MATCAP2: variants seen among roughly 807,000 people sequenced by gnomAD.
MATCAP2 encodes the protein putative tyrosine carboxypeptidase MATCAP2.
chr7:36,340,266 G>A, the MATCAP2 span, among the ~76,000 whole-genome samples: 2 of 152,138 alleles, frequency 1.3e-5, no homozygotes, highest in Admixed American at 1.3e-4. Context: ...TGGTTATCTG[G>A]TTATTTCTTG....
the MATCAP2 span, among the ~76,000 whole-genome samples, chr7:36,357,890 T>A: frequency 4.6e-5 from 7 of 152,268 alleles, no homozygotes; most frequent in Admixed American, 2.6e-4. Flanking sequence ...ATCTGAATAC[T>A]TGATTCTACA....
the MATCAP2 span, among the ~76,000 whole-genome samples, chr7:36,343,023 C>G: frequency 7.9e-5 from 12 of 152,082 alleles, no homozygotes; most frequent in Non-Finnish European, 1.8e-4. Context: ...AAATGAAGAA[C>G]ATACCTCTGA....
the MATCAP2 span, chr7:36,357,564 G>T: frequency 6.2e-7 from 1 of 1,612,708 alleles, no homozygotes. Flanking sequence ...TTCTTAGCAA[G>T]TTCTTGCTCA....
the MATCAP2 span, among the ~76,000 whole-genome samples, chr7:36,349,961 A>G: frequency 6.6e-6 from 1 of 152,212 alleles, no homozygotes; most frequent in Admixed American, 6.5e-5. Flanking sequence ...CTACTATGGA[A>G]CATACTAAAC....
chr7:36,357,740 A>G, the MATCAP2 span: 2 of 633,954 alleles, frequency 3.2e-6, no homozygotes, highest in African/African-American at 3.7e-5. Context: ...TTAAAAGGAT[A>G]TATTACTAAA....
chr7:36,334,947 A>C, the MATCAP2 span: 25 of 1,159,078 alleles, frequency 2.2e-5, no homozygotes, highest in Admixed American at 2.5e-5. Flanking sequence ...CTAAGAAAAT[A>C]AAATAAATAC....
chr7:36,354,859 C>G, the MATCAP2 span, among the ~76,000 whole-genome samples: 1 of 152,102 alleles, frequency 6.6e-6, no homozygotes, highest in African/African-American at 2.4e-5. Context: ...GGAATTGGAT[C>G]AAAATTAAAA....
chr7:36,381,504 T>C, the MATCAP2 span, among the ~76,000 whole-genome samples: 4 of 151,048 alleles, frequency 2.6e-5, no homozygotes, highest in African/African-American at 9.7e-5. Flanking sequence ...AACCCTGTCT[T>C]TACTAAAATA....
the MATCAP2 span, among the ~76,000 whole-genome samples, chr7:36,339,972 C>T: frequency 5.3e-5 from 8 of 152,288 alleles, no homozygotes; most frequent in South Asian, 6.2e-4. Flanking sequence ...GAGTGATTCT[C>T]CTGCCTCAGC....
chr7:36,325,649 C>T, the MATCAP2 span: 1 of 152,030 alleles, frequency 6.6e-6, no homozygotes, highest in Non-Finnish European at 1.5e-5. Flanking sequence ...CATTTGAATC[C>T]AGGTATATAT....
chr7:36,379,988 C>G, the MATCAP2 span, among the ~76,000 whole-genome samples: 2 of 152,040 alleles, frequency 1.3e-5, no homozygotes, highest in African/African-American at 4.8e-5. Context: ...TACATGTAAA[C>G]CTTTCACAAC....
the MATCAP2 span, among the ~76,000 whole-genome samples, chr7:36,332,017 C>CAGTT: frequency 1.3e-5 from 2 of 152,050 alleles, no homozygotes; most frequent in Admixed American, 1.3e-4. Context: ...AGACGAACCA[C>CAGTT]AGTTAGAAAA....
the MATCAP2 span, among the ~76,000 whole-genome samples, chr7:36,384,794 T>C: frequency 6.6e-6 from 1 of 151,790 alleles, no homozygotes; most frequent in Admixed American, 6.6e-5. Context: ...TGGAAAGTCC[T>C]TGAGGCAGGA....
At chr7:36,336,370 A>G in the MATCAP2 span, 1 of 1,132,472 alleles carries the variant, frequency 8.8e-7, no homozygotes, top group South Asian at 1.6e-5. Flanking sequence ...TAGCTATGTT[A>G]TTTATTGTGA....
At chr7:36,360,459 G>A in the MATCAP2 span, among the ~76,000 whole-genome samples, 2 of 152,118 alleles carry the variant, frequency 1.3e-5, no homozygotes, top group Non-Finnish European at 2.9e-5. Flanking sequence ...AGCTTAGCAC[G>A]AGTCCTTTTG....
chr7:36,390,232 G>A, the MATCAP2 span: 2 of 878,144 alleles, frequency 2.3e-6, no homozygotes, highest in Non-Finnish European at 3.5e-6. Context: ...CTGAGATTTT[G>A]TTGTTTCGGT....
At chr7:36,333,912 G>A in the MATCAP2 span, 1 of 1,614,158 alleles carries the variant, frequency 6.2e-7, no homozygotes, top group South Asian at 1.1e-5. Context: ...ATCCCATCTT[G>A]TATTGGGGTC....
chr7:36,368,290 A>G, the MATCAP2 span: 1 of 152,172 alleles, frequency 6.6e-6, no homozygotes, highest in Non-Finnish European at 1.5e-5. Context: ...CATGGAAATA[A>G]TTGGGGTGTG....
At chr7:36,332,904 G>A in the MATCAP2 span, among the ~76,000 whole-genome samples, 1 of 152,182 alleles carries the variant, frequency 6.6e-6, no homozygotes, top group Non-Finnish European at 1.5e-5. Flanking sequence ...TCCAGACTAG[G>A]TGATAAGAGT....
Sources: allele counts gnomAD v4.1 joint callset (sites outside exome capture counted in the v4.1 genomes callset), GRCh38; gene constraint gnomAD v4.1.1; transcripts MANE v1.5; gene names NCBI Gene and HGNC (gene_info 2026-07-23, HGNC 2026-07-21).